SPTBN1: variants seen among roughly 807,000 people sequenced by gnomAD.
The protein encoded by SPTBN1 is spectrin beta chain, non-erythrocytic 1.
SPTBN1 carries 32 observed loss-of-function variants against 266.4 expected under a neutral mutation model. That is an observed-to-expected ratio of 0.12 (90% CI 0.09 to 0.16). SPTBN1 has a LOEUF of 0.16. SPTBN1 is among the 10% of genes least tolerant of loss of function. The probability of loss-of-function intolerance (pLI) is 1.00; values close to 1 mark genes in which losing one functional copy is unlikely to be tolerated. For synonymous variants in SPTBN1, 1,336 were observed against 1,162.2 expected (o/e 1.15, Z -3.04); for missense variants, 2,296 against 3,067.1 (o/e 0.75, Z 5.94).
chr2:54,643,985 T>C (rs200050510), intron 19 of SPTBN1, among the ~76,000 whole-genome samples: 1 of 104 alleles, frequency 9.6e-3, no homozygotes, highest in South Asian at 0.5. Flanking sequence ...ATAATAACAA[T>C]AATAATAATA....
At chr2:54,485,433 T>G (rs897337702) in intron 1 of SPTBN1, among the ~76,000 whole-genome samples, 3 of 152,206 alleles carry the variant, frequency 2.0e-5, no homozygotes, top group Non-Finnish European at 4.4e-5. Context: ...CCGTGAGTGA[T>G]CTGCCAGCCT....
At chr2:54,495,519 T>C (rs1668920452) in intron 1 of SPTBN1, among the ~76,000 whole-genome samples, 2 of 152,192 alleles carry the variant, frequency 1.3e-5, no homozygotes, top group Non-Finnish European at 2.9e-5. Context: ...TAAAGTGTTC[T>C]CTGTAGAAAT....
intron 2 of SPTBN1, among the ~76,000 whole-genome samples, chr2:54,588,238 G>A (rs1476287117): frequency 2.0e-5 from 3 of 152,114 alleles, no homozygotes; most frequent in African/African-American, 4.8e-5. Flanking sequence ...TGTAAAACCT[G>A]TGTGTCTCCC....
intron 4 of SPTBN1, among the ~76,000 whole-genome samples, chr2:54,613,813 CAG>C (rs1433695920): frequency 6.6e-6 from 1 of 152,212 alleles, no homozygotes; most frequent in African/African-American, 2.4e-5. Context: ...CTTATGGCAA[CAG>C]AGGTGAAATT....
At chr2:54,625,817 C>G in intron 11 of SPTBN1, 115 bp from the exon 12 acceptor site, 1 of 1,166,322 alleles carries the variant, frequency 8.6e-7, no homozygotes, top group Non-Finnish European at 1.2e-6. Context: ...TCTCGAACTC[C>G]TGACCTCAAG....
Position 54,623,936 on chromosome 2 carries a change from T to C in SPTBN1, c.1182+340T>C, listed in dbSNP as rs1407762490. Among the ~76,000 whole-genome samples the C allele has an allele frequency of 2.6e-5, 4 of 152,372 alleles. No individual in the cohort carries two copies. The East Asian group carries it at 7.7e-4, about 29-fold the overall frequency. ...AGAAAGGAGAAATTGAAACCTTATT[T>C]CATGTGTTTCATAGTAGTTGTGGGG... On this transcript the variant is annotated intron_variant, in intron 10 of 35. Coordinates refer to ENST00000356805, the MANE Select transcript of SPTBN1 (RefSeq NM_003128.3).
In SPTBN1 at chr2:54,645,570, C is replaced by T; in HGVS notation, c.4494+117C>T. 2 of 1,039,348 alleles carry T rather than the reference C, an allele frequency of 1.9e-6. No homozygotes were observed. Among genetic ancestry groups the T allele is most frequent in the Non-Finnish European group, 2.8e-6 (2 of 711,594 alleles). 64.4% of individuals were successfully genotyped at this position (1,039,348 alleles called of 1,614,324 possible). ...TGGGCCACGTTGGCAAGCTGAGCTG[C>T]CAAAGTCCACGCTCTGGATGGTCTA... On this transcript the variant is annotated intron_variant, in intron 21 of 35. Transcript: ENST00000356805. The surrounding 1 kb of genome is among the most constrained non-coding windows in gnomAD (Gnocchi z 4.3).
At chr2:54,480,723 C>T (rs1668051158) in intron 1 of SPTBN1, among the ~76,000 whole-genome samples, 1 of 152,186 alleles carries the variant, frequency 6.6e-6, no homozygotes, top group Admixed American at 6.5e-5. Flanking sequence ...CTGGTTCCCA[C>T]AAAGGCCAAG....
At chr2:54,579,200 C>T (rs1265299738) in intron 2 of SPTBN1, among the ~76,000 whole-genome samples, 1 of 152,138 alleles carries the variant, frequency 6.6e-6, no homozygotes, top group Non-Finnish European at 1.5e-5. Flanking sequence ...CCTTTACTTT[C>T]AGTTGCAGTG....
chr2:54,637,616 C>T (rs1679240532), intron 17 of SPTBN1, 97 bp from the exon 18 acceptor site: 1 of 965,754 alleles, frequency 1.0e-6, no homozygotes, highest in Non-Finnish European at 1.6e-6. Context: ...CTCTTTTTAG[C>T]ATAGTTAGGA....
At chr2:54,571,089 G>T (rs1159052726) in intron 2 of SPTBN1, among the ~76,000 whole-genome samples, 1 of 152,128 alleles carries the variant, frequency 6.6e-6, no homozygotes, top group Non-Finnish European at 1.5e-5. Flanking sequence ...CCAAGCAGAT[G>T]AAATCCTGGC....
intron 3 of SPTBN1, among the ~76,000 whole-genome samples, chr2:54,601,759 C>T (rs1408765178): frequency 6.6e-6 from 1 of 152,176 alleles, no homozygotes; most frequent in African/African-American, 2.4e-5. Context: ...ATTCAATTTA[C>T]TTAATTAATA....
intron 1 of SPTBN1, among the ~76,000 whole-genome samples, chr2:54,498,976 G>GA (rs35626697): frequency 0.8 from 121,255 of 151,900 alleles, 48,983 homozygotes; most frequent in African/African-American, 0.93. Flanking sequence ...GAGAAACCCA[G>GA]GAGACTTTGC....
In SPTBN1 at chr2:54,592,645, C is replaced by T. The variant is rs187757125; in HGVS notation, c.149-6447C>T. Among the ~76,000 whole-genome samples, 368 of 152,326 alleles carry T rather than the reference C, an allele frequency of 2.4e-3. 1 individual carries two copies. The highest frequency in any genetic ancestry group is 3.3e-3 in the Non-Finnish European group (227 of 68,028). On this transcript the variant is annotated intron_variant, in intron 2 of 35. Transcript: ENST00000356805. ...TCAGGTATTCCACCTGCCTTGGCCT[C>T]CCAAAGTGCTGGGAATTACAGGTGT...
chr2:54,578,711 A>G (rs532630739), intron 2 of SPTBN1, among the ~76,000 whole-genome samples: 56 of 151,836 alleles, frequency 3.7e-4, no homozygotes, highest in Non-Finnish European at 7.8e-4. Context: ...CACTTCCAGA[A>G]ATGATTTAAT....
chr2:54,638,876 A>AAATACGGCTCCAGTGACAGCT (rs1679340356), intron 18 of SPTBN1, among the ~76,000 whole-genome samples: 1 of 152,250 alleles, frequency 6.6e-6, no homozygotes, highest in Non-Finnish European at 1.5e-5. Flanking sequence ...GCATTAAAAG[A>AAATACGGCTCCAGTGACAGCT]AATACGGCTC....
chr2:54,494,072 A>C (rs927138618), intron 1 of SPTBN1, among the ~76,000 whole-genome samples: 4 of 152,232 alleles, frequency 2.6e-5, no homozygotes, highest in Non-Finnish European at 5.9e-5. Flanking sequence ...TGCTACCCAA[A>C]TCCTGAAAAG....
intron 2 of SPTBN1, among the ~76,000 whole-genome samples, chr2:54,535,439 C>T (rs1671543087): frequency 6.6e-6 from 1 of 152,234 alleles, no homozygotes; most frequent in Admixed American, 6.5e-5. Context: ...TACTAGTCTA[C>T]ATTCAGACCC....
chr2:54,506,122 TC>T, intron 1 of SPTBN1, among the ~76,000 whole-genome samples: 1 of 112,446 alleles, frequency 8.9e-6, no homozygotes, highest in Non-Finnish European at 1.9e-5. Flanking sequence ...AGACTCCGTC[TC>T]TAAATAAATA....
Sources: allele counts gnomAD v4.1 joint callset (sites outside exome capture counted in the v4.1 genomes callset), GRCh38; gene constraint gnomAD v4.1.1; non-coding constraint Gnocchi (gnomAD v3.1); transcripts MANE v1.5; gene names NCBI Gene and HGNC (gene_info 2026-07-23, HGNC 2026-07-21).